ITGA9: variants seen among roughly 807,000 people sequenced by gnomAD.
ITGA9 encodes the protein integrin subunit alpha 9.
In ITGA9, 56 loss-of-function variants were observed where a neutral mutation model predicts 127.8. The ratio of observed to expected loss-of-function variants is 0.44; its 90% CI spans 0.35 to 0.55. The LOEUF is 0.55. Among genes scored for constraint, ITGA9 ranks in the 20% least tolerant of loss-of-function variants. The pLI is 0.00. For synonymous variants in ITGA9, 508 were observed against 514.5 expected (o/e 0.99, Z 0.17); for missense variants, 1,196 against 1,347.1 (o/e 0.89, Z 1.76).
At chr3:37,514,647 G>A (rs1038292146) in intron 9 of ITGA9, among the ~76,000 whole-genome samples, 14 of 152,318 alleles carry the variant, frequency 9.2e-5, no homozygotes, top group Middle Eastern at 3.4e-3. Context: ...TTGGCTCACT[G>A]CAACCTCTGC....
At chr3:37,818,110 G>A (rs1697458831) in intron 27 of ITGA9, among the ~76,000 whole-genome samples, 1 of 146,802 alleles carries the variant, frequency 6.8e-6, no homozygotes, top group Non-Finnish European at 1.5e-5. Context: ...TAAGCTTGGG[G>A]AATGTCAGGT....
At chr3:37,694,412 G>T (rs1261747100) in intron 18 of ITGA9, among the ~76,000 whole-genome samples, 1 of 152,222 alleles carries the variant, frequency 6.6e-6, no homozygotes, top group African/African-American at 2.4e-5. Flanking sequence ...TGGGAGACAG[G>T]CTGGGCGCTT....
chr3:37,528,105 G>A lies in ITGA9; in HGVS notation c.1373+2034G>A, dbSNP rs149171890. ...TGACCCAACAGGCCCTCTTAAAACC[G>A]GGGCCATCTGGCTGAAGGTCCATCA... On this transcript the variant is annotated intron_variant, in intron 13 of 27. Transcript: ENST00000264741. 1.2e-4 allele frequency among the ~76,000 whole-genome samples: 19 copies of A among 152,296 alleles called. No homozygotes were observed. In the East Asian group the frequency reaches 2.7e-3, roughly 22 times the overall value.
At chr3:37,675,910 A>G (rs1483615346) in intron 17 of ITGA9, among the ~76,000 whole-genome samples, 1 of 151,722 alleles carries the variant, frequency 6.6e-6, no homozygotes, top group Non-Finnish European at 1.5e-5. Context: ...CACCCAGCTG[A>G]TTTTTGTATT....
At chr3:37,677,573 G>C (rs2125659604) in intron 17 of ITGA9, among the ~76,000 whole-genome samples, 1 of 152,266 alleles carries the variant, frequency 6.6e-6, no homozygotes, top group East Asian at 1.9e-4. Context: ...TAATCTTATA[G>C]CCAAGTATGT....
At chr3:37,633,502 C>T (rs1455790669) in intron 16 of ITGA9, among the ~76,000 whole-genome samples, 2 of 152,152 alleles carry the variant, frequency 1.3e-5, no homozygotes, top group Non-Finnish European at 2.9e-5. Flanking sequence ...TTGAATATCT[C>T]ATGTAATGTA....
intron 15 of ITGA9, among the ~76,000 whole-genome samples, chr3:37,605,652 G>A (rs773667441): frequency 1.9e-4 from 29 of 152,196 alleles, no homozygotes; most frequent in Admixed American, 1.1e-3. Context: ...ATAAACTTGG[G>A]CCATATGCTT....
intron 19 of ITGA9, among the ~76,000 whole-genome samples, chr3:37,736,159 T>C (rs1696358689): frequency 6.6e-6 from 1 of 152,132 alleles, no homozygotes; most frequent in Non-Finnish European, 1.5e-5. Flanking sequence ...TAAACCTAAG[T>C]ACCTTCCAAA....
At chr3:37,801,418 A>G (rs1368010303) in intron 26 of ITGA9, among the ~76,000 whole-genome samples, 1 of 152,208 alleles carries the variant, frequency 6.6e-6, no homozygotes, top group African/African-American at 2.4e-5. Flanking sequence ...TCAGCGAGCT[A>G]TACACTTAGG....
chr3:37,499,282 G>T (rs926483321), intron 5 of ITGA9, among the ~76,000 whole-genome samples: 1 of 152,238 alleles, frequency 6.6e-6, no homozygotes, highest in African/African-American at 2.4e-5. Context: ...GTGGGAGTTT[G>T]TTCAGCACGG....
At chr3:37,623,123 A>G (rs926353693) in intron 15 of ITGA9, among the ~76,000 whole-genome samples, 3 of 152,026 alleles carry the variant, frequency 2.0e-5, no homozygotes, top group African/African-American at 7.3e-5. Context: ...CTTCTGGGTC[A>G]CTGGTCGTCT....
intron 18 of ITGA9, among the ~76,000 whole-genome samples, chr3:37,731,206 A>G (rs2125527841): frequency 6.6e-6 from 1 of 152,224 alleles, no homozygotes; most frequent in East Asian, 1.9e-4. Context: ...GTGGCCCAGG[A>G]ATCTGCATTT....
At chr3:37,715,286 C>T (rs910756335) in intron 18 of ITGA9, among the ~76,000 whole-genome samples, 2 of 152,188 alleles carry the variant, frequency 1.3e-5, no homozygotes, top group African/African-American at 4.8e-5. Context: ...CTCATTATAT[C>T]ATTCCAGCAA....
intron 2 of ITGA9, among the ~76,000 whole-genome samples, chr3:37,472,906 G>A (rs1427830950): frequency 3.3e-5 from 5 of 151,682 alleles, no homozygotes; most frequent in African/African-American, 1.2e-4. Context: ...CGGGAGGTTG[G>A]GGTGGGCGGA....
At chr3:37,510,350 TC>T (rs201537085) in intron 8 of ITGA9, among the ~76,000 whole-genome samples, 4,346 of 152,270 alleles carry the variant, frequency 0.029, 74 homozygotes, top group Non-Finnish European at 0.048. Context: ...ATCTTTATGT[TC>T]AGTTGTAGCT....
intron 17 of ITGA9, among the ~76,000 whole-genome samples, chr3:37,657,435 A>G (rs1026767657): frequency 6.6e-6 from 1 of 152,188 alleles, no homozygotes; most frequent in East Asian, 1.9e-4. Context: ...GTATGTGTCC[A>G]GGAATTTATC....
intron 15 of ITGA9, among the ~76,000 whole-genome samples, chr3:37,544,015 G>T (rs567880277): frequency 6.6e-6 from 1 of 152,246 alleles, no homozygotes; most frequent in Non-Finnish European, 1.5e-5. Context: ...GTACAGGCTC[G>T]TATGCAAACA....
At chr3:37,742,886 T>C (rs1696455640) in intron 21 of ITGA9, among the ~76,000 whole-genome samples, 1 of 152,222 alleles carries the variant, frequency 6.6e-6, no homozygotes, top group East Asian at 1.9e-4. Context: ...TATTTTTGCC[T>C]CTGTTCACAG....
At chr3:37,728,891 A>G (rs1021290346) in intron 18 of ITGA9, among the ~76,000 whole-genome samples, 1 of 151,506 alleles carries the variant, frequency 6.6e-6, no homozygotes, top group Non-Finnish European at 1.5e-5. Context: ...AAGAAACCAA[A>G]CAGGCATGTG....
Sources: gnomAD v4.1 joint callset for allele counts (sites outside exome capture counted in the v4.1 genomes callset) on GRCh38, gnomAD v4.1.1 for gene constraint, MANE v1.5 for transcripts, NCBI Gene and HGNC (gene_info 2026-07-23, HGNC 2026-07-21) for gene names.